DENND4C: variants seen among roughly 807,000 people sequenced by gnomAD.
DENND4C encodes DENN domain-containing protein 4C.
DENND4C carries 108 observed loss-of-function variants against 203.0 expected under a neutral mutation model. The observed-to-expected ratio is 0.53, with a 90% CI of 0.46 to 0.62. The LOEUF is 0.62. Ranked by LOEUF, DENND4C falls within the 20% of genes least tolerant of loss-of-function variation. DENND4C has a pLI of 0.00. For synonymous variants in DENND4C, 871 were observed against 792.4 expected (o/e 1.10, Z -1.67); for missense variants, 2,481 against 2,301.2 (o/e 1.08, Z -1.60).
At chr9:19,310,681 A>G (rs1209314245) in intron 10 of DENND4C, among the ~76,000 whole-genome samples, 1 of 152,202 alleles carries the variant, frequency 6.6e-6, no homozygotes, top group African/African-American at 2.4e-5. Context: ...TTTTATAAAT[A>G]CTTTTTGTGA....
chr9:19,297,364 T>G (rs1239055495), intron 6 of DENND4C, among the ~76,000 whole-genome samples: 1 of 152,228 alleles, frequency 6.6e-6, no homozygotes, highest in Non-Finnish European at 1.5e-5. Context: ...GAAATATGGT[T>G]GCAACTTTCA....
At chr9:19,342,528 A>G (rs1424003403) in intron 21 of DENND4C, 105 bp from the exon 22 acceptor site, 2 of 1,242,952 alleles carry the variant, frequency 1.6e-6, no homozygotes, top group African/African-American at 3.1e-5. Flanking sequence ...AAATAGACAC[A>G]CTGACTGTTG....
intron 1 of DENND4C, among the ~76,000 whole-genome samples, chr9:19,267,884 C>A (rs528337169): frequency 1.3e-5 from 2 of 151,994 alleles, no homozygotes; most frequent in African/African-American, 4.8e-5. Flanking sequence ...TGTTTAAATC[C>A]GTTCAGCCTC....
intron 1 of DENND4C, among the ~76,000 whole-genome samples, chr9:19,247,958 A>G (rs916399543): frequency 6.6e-6 from 1 of 151,450 alleles, no homozygotes; most frequent in Non-Finnish European, 1.5e-5. Flanking sequence ...TGCTGCTCCC[A>G]CTCCTTTGCC....
Position 19,301,344 on chromosome 9 carries a change from C to G in DENND4C, c.1311+1013C>G, listed in dbSNP as rs369517497. On this transcript the variant is annotated intron_variant, in intron 9 of 32. Coordinates refer to ENST00000434457, the MANE Select transcript of DENND4C (RefSeq NM_001330640.2). ...CCTTCCCCATTTTAAGAATGTAAGTCTCCTGGGAGTAAGGACCTAATCTCT... is the reference window on the plus strand; with the variant it reads ...CCTTCCCCATTTTAAGAATGTAAGTGTCCTGGGAGTAAGGACCTAATCTCT... 1.6e-4 allele frequency among the ~76,000 whole-genome samples: 25 copies of G among 152,296 alleles called. No individual in the cohort carries two copies. The East Asian group carries it at 4.4e-3, about 27-fold the overall frequency.
chr9:19,296,658 C>T (rs920443177), intron 6 of DENND4C, among the ~76,000 whole-genome samples: 1 of 152,156 alleles, frequency 6.6e-6, no homozygotes, highest in Non-Finnish European at 1.5e-5. Flanking sequence ...TTTACTTACT[C>T]CCTTCTTCGC....
intron 8 of DENND4C, among the ~76,000 whole-genome samples, 171 bp downstream of exon 8, chr9:19,299,458 T>C (rs934195194): frequency 6.6e-6 from 1 of 152,216 alleles, no homozygotes; most frequent in Admixed American, 6.5e-5. Context: ...GGTAACTGGG[T>C]GGATGGTGGG....
intron 1 of DENND4C, among the ~76,000 whole-genome samples, chr9:19,243,155 C>A (rs867312217): frequency 3.9e-5 from 6 of 152,292 alleles, no homozygotes; most frequent in Middle Eastern, 6.8e-3. Flanking sequence ...TCCCTCTCTC[C>A]TGGACCCCTA....
chr9:19,258,126 AATCAATCAATCTATCTATCT>A (rs1440332564), intron 1 of DENND4C, among the ~76,000 whole-genome samples: 1 of 17,888 alleles, frequency 5.6e-5, no homozygotes, highest in African/African-American at 1.8e-4. Flanking sequence ...TCAAAAAATC[AATCAATCAATCTATCTATCT>A]ATCAATCAAG....
chr9:19,278,736 A>T (rs573730248), intron 2 of DENND4C, among the ~76,000 whole-genome samples: 8 of 152,254 alleles, frequency 5.3e-5, no homozygotes, highest in Non-Finnish European at 1.5e-5. Context: ...TAGCTACTGT[A>T]GTTTTCCTTC....
intron 23 of DENND4C, among the ~76,000 whole-genome samples, chr9:19,350,243 A>G (rs992838101): frequency 4.6e-5 from 7 of 152,202 alleles, no homozygotes; most frequent in Non-Finnish European, 8.8e-5. Flanking sequence ...GAAACAACTC[A>G]TATTATCCAT....
chr9:19,335,840 A>G (rs531982610), intron 18 of DENND4C, among the ~76,000 whole-genome samples: 15 of 152,210 alleles, frequency 9.9e-5, no homozygotes, highest in African/African-American at 2.6e-4. Context: ...TCTCTCTTCA[A>G]TATACTGATT....
intron 1 of DENND4C, among the ~76,000 whole-genome samples, chr9:19,252,454 C>T (rs1826868961): frequency 6.6e-6 from 1 of 152,070 alleles, no homozygotes; most frequent in African/African-American, 2.4e-5. Flanking sequence ...TGCTGCACAT[C>T]TGTAGTCATA....
intron 30 of DENND4C, among the ~76,000 whole-genome samples, chr9:19,368,429 G>A (rs964286562): frequency 5.3e-5 from 8 of 152,106 alleles, no homozygotes; most frequent in South Asian, 4.1e-4. Flanking sequence ...ACACCCGGCC[G>A]AATTACGTTC....
rs772907784 is a variant in DENND4C at position 19,305,321 on chromosome 9, T to G, written c.1312-31T>G. ...TATATTTTTTATTGCAAATTTAAAA[T>G]TTGGTTAATTTTTTAAAACTTTTTC... On this transcript the variant is annotated intron_variant, in intron 9 of 32. Coordinates refer to ENST00000434457, the MANE Select transcript of DENND4C (RefSeq NM_001330640.2). 2.6e-6 allele frequency: 4 copies of G among 1,566,046 alleles called. No individual in the cohort carries two copies. The East Asian group carries it at 9.0e-5, about 35-fold the overall frequency.
intron 5 of DENND4C, among the ~76,000 whole-genome samples, chr9:19,294,618 G>A (rs1003414581): frequency 3.9e-5 from 6 of 152,204 alleles, no homozygotes; most frequent in Admixed American, 1.3e-4. Context: ...ACGATAGGCG[G>A]AAGGTGGAAA....
rs541334952 is a variant in DENND4C, at chr9:19,324,806, A to C, written c.1953+299A>C. Among the ~76,000 whole-genome samples, 4 of 152,300 alleles carry C rather than the reference A, an allele frequency of 2.6e-5. No homozygotes were observed. In the East Asian group the frequency reaches 7.7e-4, roughly 29 times the overall value. On this transcript the variant is annotated intron_variant, in intron 13 of 32. Coordinates refer to ENST00000434457, the MANE Select transcript of DENND4C (RefSeq NM_001330640.2). ...ATGATCATAGCTCATTGCAACTTTG[A>C]ACTTCTTGCCTGAAGTGATTTTACC... is the stretch of plus-strand genomic sequence containing the variant.
chr9:19,239,217 T>G (rs1338909319), intron 1 of DENND4C, among the ~76,000 whole-genome samples: 1 of 152,172 alleles, frequency 6.6e-6, no homozygotes, highest in Non-Finnish European at 1.5e-5. Flanking sequence ...TCTCTTATTT[T>G]CTAATACAGG....
At chr9:19,250,207 C>T (rs940985338) in intron 1 of DENND4C, among the ~76,000 whole-genome samples, 2 of 152,090 alleles carry the variant, frequency 1.3e-5, no homozygotes, top group African/African-American at 4.8e-5. Flanking sequence ...CTTTGGGGGG[C>T]TGAGGCGGGT....
Sources: gnomAD v4.1 joint callset for allele counts (sites outside exome capture counted in the v4.1 genomes callset) on GRCh38, gnomAD v4.1.1 for gene constraint, MANE v1.5 for transcripts, NCBI Gene and HGNC (gene_info 2026-07-23, HGNC 2026-07-21) for gene names.